The following COBL variants were observed in gnomAD, a reference collection of about 807,000 sequenced individuals.
COBL encodes protein cordon-bleu.
Under a neutral mutation model 98.8 loss-of-function variants are expected in COBL, and 51 were observed. The ratio of observed to expected loss-of-function variants is 0.52; its 90% CI spans 0.41 to 0.65. COBL has a LOEUF of 0.65. Ranked by LOEUF, COBL falls within the 30% of genes least tolerant of loss-of-function variation. COBL has a pLI of 0.00. For synonymous variants in COBL, 634 were observed against 651.7 expected (o/e 0.97, Z 0.41); for missense variants, 1,617 against 1,617.5 (o/e 1.00, Z 0.01).
chr7:51,213,502 A>G (rs1792681998), intron 2 of COBL, among the ~76,000 whole-genome samples: 1 of 152,040 alleles, frequency 6.6e-6, no homozygotes, highest in Non-Finnish European at 1.5e-5. Flanking sequence ...TGATGCCAAA[A>G]AGCTTGTGGC....
At chr7:51,259,591 A>T in intron 1 of COBL, 1 of 745,662 alleles carries the variant, frequency 1.3e-6, no homozygotes, top group Non-Finnish European at 2.4e-6. Flanking sequence ...TTCTCCAGGA[A>T]GGCAATTTCA....
intron 1 of COBL, among the ~76,000 whole-genome samples, chr7:51,286,116 C>G (rs1800337436): frequency 6.6e-6 from 1 of 151,952 alleles, no homozygotes; most frequent in Non-Finnish European, 1.5e-5. Flanking sequence ...AAATGGACCA[C>G]TGATCTAAAT....
At chr7:51,221,769 A>G (rs190469844) in intron 1 of COBL, among the ~76,000 whole-genome samples, 3 of 152,340 alleles carry the variant, frequency 2.0e-5, no homozygotes, top group African/African-American at 7.2e-5. Flanking sequence ...TCACTTGTAT[A>G]TGTATTACTT....
intron 5 of COBL, among the ~76,000 whole-genome samples, chr7:51,144,012 A>G (rs2129014369): frequency 6.6e-6 from 1 of 152,324 alleles, no homozygotes; most frequent in East Asian, 1.9e-4. Context: ...TATCCAAAAT[A>G]GAACTATTTT....
chr7:51,308,462 CA>C (rs34033470), intron 1 of COBL, among the ~76,000 whole-genome samples: 48,185 of 151,858 alleles, frequency 0.32, 9,011 homozygotes, highest in Non-Finnish European at 0.42. Flanking sequence ...CTGGTTTTCC[CA>C]TTATGTTCCT....
At chr7:51,162,889 A>G (rs924224013) in intron 5 of COBL, among the ~76,000 whole-genome samples, 3 of 152,250 alleles carry the variant, frequency 2.0e-5, no homozygotes, top group Non-Finnish European at 4.4e-5. Flanking sequence ...CTGTTTGCAC[A>G]AAGACATAGA....
intron 1 of COBL, among the ~76,000 whole-genome samples, chr7:51,232,901 T>C (rs550942408): frequency 1.3e-5 from 2 of 152,324 alleles, no homozygotes; most frequent in South Asian, 4.1e-4. Context: ...TGTTTGGCCA[T>C]GAACATCCAC....
intron 8 of COBL, among the ~76,000 whole-genome samples, chr7:51,037,088 C>T (rs1360942954): frequency 6.6e-6 from 1 of 152,186 alleles, no homozygotes; most frequent in South Asian, 2.1e-4. Flanking sequence ...CTTATATACA[C>T]ATACATGCAC....
intron 1 of COBL, among the ~76,000 whole-genome samples, chr7:51,237,444 ATAAGTTCAC>A (rs1245021816): frequency 6.6e-6 from 1 of 152,110 alleles, no homozygotes; most frequent in Non-Finnish European, 1.5e-5. Context: ...ATATTGAAAA[ATAAGTTCAC>A]TAAGATGTAA....
In COBL at chr7:51,236,095, G is replaced by A. The variant is rs117947489; in HGVS notation, c.42-16151C>T. Among the ~76,000 whole-genome samples the A allele has an allele frequency of 5.9e-3, 905 of 152,242 alleles. 6 individuals are homozygous for A. The highest frequency in any genetic ancestry group is 9.1e-3 in the South Asian group (44 of 4,816). ...TGTCCTCCAGTGGAAGGAAACTAACGCTGACCAACACTCAAATGTACCAAC... is the reference window on the plus strand; with the variant it reads ...TGTCCTCCAGTGGAAGGAAACTAACACTGACCAACACTCAAATGTACCAAC... On this transcript the variant is annotated intron_variant, in intron 1 of 12. Coordinates refer to ENST00000265136, the MANE Select transcript of COBL (RefSeq NM_015198.5).
intron 1 of COBL, among the ~76,000 whole-genome samples, chr7:51,275,065 G>A (rs1799170754): frequency 6.6e-6 from 1 of 152,234 alleles, no homozygotes; most frequent in Admixed American, 6.5e-5. Context: ...AGAGCAGTGA[G>A]AAGCAACAAA....
intron 11 of COBL, among the ~76,000 whole-genome samples, chr7:51,026,173 T>G (rs1034693551): frequency 6.6e-6 from 1 of 152,236 alleles, no homozygotes; most frequent in Non-Finnish European, 1.5e-5. Flanking sequence ...GCTATATTCA[T>G]GCAACAACTT....
chr7:51,249,818 TGAA>T (rs781130636), intron 1 of COBL, among the ~76,000 whole-genome samples: 22 of 152,106 alleles, frequency 1.4e-4, no homozygotes, highest in Non-Finnish European at 2.9e-4. Flanking sequence ...GGAACTGGCT[TGAA>T]GAAGAACATT....
intron 7 of COBL, among the ~76,000 whole-genome samples, chr7:51,082,523 C>T (rs1055919496): frequency 6.6e-6 from 1 of 152,226 alleles, no homozygotes; most frequent in South Asian, 2.1e-4. Context: ...TCAATTCTGG[C>T]TTATTAGTAC....
chr7:51,161,464 G>A (rs1380540323), intron 5 of COBL, among the ~76,000 whole-genome samples: 2 of 152,266 alleles, frequency 1.3e-5, no homozygotes, highest in Admixed American at 6.5e-5. Flanking sequence ...CAGAAACAAC[G>A]CCACTCAACA....
intron 1 of COBL, among the ~76,000 whole-genome samples, chr7:51,245,698 G>T (rs1796225221): frequency 6.6e-6 from 1 of 152,174 alleles, no homozygotes; most frequent in African/African-American, 2.4e-5. Context: ...ACAGTGTATG[G>T]TCTCAGATCT....
chr7:51,173,833 A>G (rs1174055337), intron 5 of COBL, among the ~76,000 whole-genome samples: 1 of 152,188 alleles, frequency 6.6e-6, no homozygotes, highest in African/African-American at 2.4e-5. Flanking sequence ...AACAAAAAAG[A>G]TATTTGCTAT....
chr7:51,022,157 T>C (rs531241524), intron 12 of COBL, among the ~76,000 whole-genome samples: 2 of 152,290 alleles, frequency 1.3e-5, no homozygotes, highest in South Asian at 2.1e-4. Context: ...AACGTAGGAC[T>C]CAGCCAAGGA....
At chr7:51,033,979 G>A (rs933485308) in intron 8 of COBL, 2 of 152,348 alleles carry the variant, frequency 1.3e-5, no homozygotes, top group African/African-American at 2.4e-5. Flanking sequence ...AGGCGCTTGG[G>A]GCTGCTTCTG....
Sources: allele counts gnomAD v4.1 joint callset (sites outside exome capture counted in the v4.1 genomes callset), GRCh38; gene constraint gnomAD v4.1.1; transcripts MANE v1.5; gene names NCBI Gene and HGNC (gene_info 2026-07-23, HGNC 2026-07-21).